The following CTNNA2 variants were observed in gnomAD, a reference collection of about 807,000 sequenced individuals.
CTNNA2 encodes the protein catenin alpha 2, also known as catenin alpha-2.
Under a neutral mutation model 101.0 loss-of-function variants are expected in CTNNA2, and 42 were observed. The ratio of observed to expected loss-of-function variants is 0.42; its 90% CI spans 0.32 to 0.54. CTNNA2 has a LOEUF of 0.54. Among genes scored for constraint, CTNNA2 ranks in the 20% least tolerant of loss-of-function variants. CTNNA2 has a pLI of 0.14. For synonymous variants in CTNNA2, 450 were observed against 456.4 expected (o/e 0.99, Z 0.18); for missense variants, 871 against 1,223.1 (o/e 0.71, Z 4.29).
At chr2:79,687,154 G>T (rs1234379024) in intron 2 of CTNNA2, among the ~76,000 whole-genome samples, 1 of 152,102 alleles carries the variant, frequency 6.6e-6, no homozygotes, top group Admixed American at 6.6e-5. Flanking sequence ...TGCTTGGTGA[G>T]CAGGGAATCA....
chr2:79,363,995 T>C (rs992906757), intron 3 of CTNNA2, among the ~76,000 whole-genome samples: 3 of 152,174 alleles, frequency 2.0e-5, no homozygotes, highest in African/African-American at 7.2e-5. Flanking sequence ...TTAATGTGAC[T>C]TTGAGCTGGA....
intron 18 of CTNNA2, among the ~76,000 whole-genome samples, chr2:80,626,309 GC>G (rs1375004133): frequency 7.9e-5 from 12 of 151,960 alleles, no homozygotes; most frequent in Non-Finnish European, 1.3e-4. Context: ...TAACTTTATG[GC>G]CCATCTATTC....
chr2:79,746,490 C>T (rs1008824133), intron 3 of CTNNA2, among the ~76,000 whole-genome samples: 2 of 152,202 alleles, frequency 1.3e-5, no homozygotes, highest in Non-Finnish European at 2.9e-5. Context: ...TGGTCTCTCT[C>T]CTGCATTTTC....
chr2:79,232,214 A>G (rs1674501728), intron 2 of CTNNA2, among the ~76,000 whole-genome samples: 1 of 151,940 alleles, frequency 6.6e-6, no homozygotes, highest in South Asian at 2.1e-4. Flanking sequence ...GGCTCTTATT[A>G]TTTTGAGGTA....
rs576283162 is a variant in CTNNA2 at position 79,231,467 on chromosome 2, T to G, written c.-406+33391T>G. Among the ~76,000 whole-genome samples the G allele has an allele frequency of 3.9e-5, 6 of 152,288 alleles. No individual in the cohort carries two copies. The South Asian group carries it at 1.2e-3, about 32-fold the overall frequency. Reference sequence around the variant, plus strand: ...GTAGAACTGTAAGTCCAGTTAAAATTATTTCTTTTGCCAATTGCCCAGTCT... The same window carrying G: ...GTAGAACTGTAAGTCCAGTTAAAATGATTTCTTTTGCCAATTGCCCAGTCT... On this transcript the variant is annotated intron_variant, in intron 2 of 21. Coordinates refer to the CTNNA2 transcript ENST00000466387.
chr2:80,170,904 G>A (rs1463772846), intron 7 of CTNNA2, among the ~76,000 whole-genome samples: 1 of 152,094 alleles, frequency 6.6e-6, no homozygotes, highest in African/African-American at 2.4e-5. Context: ...CAGTTTCCCT[G>A]TCTATAAAAT....
intron 3 of CTNNA2, among the ~76,000 whole-genome samples, chr2:79,751,234 C>T (rs10196867): frequency 0.68 from 102,905 of 152,028 alleles, 37,154 homozygotes; most frequent in East Asian, 0.97. Flanking sequence ...AAGAATGGCA[C>T]TAATAATTGG....
At chr2:79,532,123 A>C (rs1251715670) in intron 1 of CTNNA2, among the ~76,000 whole-genome samples, 1 of 152,178 alleles carries the variant, frequency 6.6e-6, no homozygotes, top group Non-Finnish European at 1.5e-5. Context: ...ATATTATGGT[A>C]TGCTTGAAGA....
chr2:79,261,051 G>C (rs2104286470), intron 2 of CTNNA2, among the ~76,000 whole-genome samples: 1 of 152,278 alleles, frequency 6.6e-6, no homozygotes, highest in South Asian at 2.1e-4. Flanking sequence ...TGAGCAGTCA[G>C]CTAAATATTG....
chr2:79,799,960 G>A (rs1676029325), intron 3 of CTNNA2, among the ~76,000 whole-genome samples: 1 of 152,154 alleles, frequency 6.6e-6, no homozygotes, highest in South Asian at 2.1e-4. Flanking sequence ...GTGAAACTGA[G>A]TAGAAAGGAG....
chr2:80,063,549 G>A (rs548596604), intron 7 of CTNNA2, among the ~76,000 whole-genome samples: 2 of 152,220 alleles, frequency 1.3e-5, no homozygotes, highest in Non-Finnish European at 2.9e-5. Flanking sequence ...CACCCTTCAC[G>A]TAACTGTCTA....
intron 12 of CTNNA2, among the ~76,000 whole-genome samples, chr2:80,558,941 T>G (rs1558585860): frequency 6.6e-6 from 1 of 152,188 alleles, no homozygotes; most frequent in South Asian, 2.1e-4. Context: ...CACTTTGGTC[T>G]GAACAGTTGT....
intron 2 of CTNNA2, among the ~76,000 whole-genome samples, chr2:79,205,379 T>C (rs770197816): frequency 6.6e-6 from 1 of 152,152 alleles, no homozygotes; most frequent in Admixed American, 6.5e-5. Flanking sequence ...AAGATAACAA[T>C]CATAAACAGC....
intron 2 of CTNNA2, among the ~76,000 whole-genome samples, chr2:79,211,541 G>C (rs542599969): frequency 6.6e-6 from 1 of 152,316 alleles, no homozygotes; most frequent in East Asian, 1.9e-4. Context: ...GCGGGCAGGA[G>C]TGGAGGTCAC....
chr2:80,163,037 A>T, intron 7 of CTNNA2: 1 of 1,564,172 alleles, frequency 6.4e-7, no homozygotes, highest in Non-Finnish European at 8.8e-7. Context: ...TGATTCCATT[A>T]AGTAGATTCA....
chr2:79,192,080 C>CT (rs545974483), intron 1 of CTNNA2, among the ~76,000 whole-genome samples: 35 of 148,996 alleles, frequency 2.3e-4, no homozygotes, highest in East Asian at 1.6e-3. Context: ...GTTATTCCTT[C>CT]TTTTTTTTTT....
chr2:80,117,581 C>T (rs917253455), intron 7 of CTNNA2, among the ~76,000 whole-genome samples: 1 of 151,654 alleles, frequency 6.6e-6, no homozygotes, highest in Non-Finnish European at 1.5e-5. Flanking sequence ...GGGTGGATTT[C>T]TGCTGATTTG....
At chr2:80,557,273 C>T (rs769889749) in intron 12 of CTNNA2, among the ~76,000 whole-genome samples, 34 of 152,156 alleles carry the variant, frequency 2.2e-4, no homozygotes, top group Non-Finnish European at 3.8e-4. Flanking sequence ...CATAAGCTTG[C>T]CCTTTGCATT....
chr2:80,316,125 C>T (rs989696102), intron 7 of CTNNA2, among the ~76,000 whole-genome samples: 7 of 152,124 alleles, frequency 4.6e-5, no homozygotes, highest in African/African-American at 1.7e-4. Context: ...AGAACTGTTT[C>T]CTTCTGCACA....
Sources: allele counts gnomAD v4.1 joint callset (sites outside exome capture counted in the v4.1 genomes callset), GRCh38; gene constraint gnomAD v4.1.1; transcripts MANE v1.5; gene names NCBI Gene and HGNC (gene_info 2026-07-23, HGNC 2026-07-21).